Variants in RNF111 observed in about 807,000 individuals in gnomAD.
RNF111 encodes the protein ring finger protein 111.
RNF111 carries 17 observed loss-of-function variants against 95.1 expected under a neutral mutation model. The observed-to-expected ratio is 0.18, with a 90% confidence interval of 0.12 to 0.27. The LOEUF is 0.27. Among genes scored for constraint, RNF111 ranks in the 10% least tolerant of loss-of-function variants. The pLI is 1.00. For synonymous variants in RNF111, 440 were observed against 414.8 expected (o/e 1.06, Z -0.74); for missense variants, 1,189 against 1,210.4 (o/e 0.98, Z 0.26).
intron 9 of RNF111, among the ~76,000 whole-genome samples, chr15:59,085,051 A>G (rs1168111623): frequency 4.6e-5 from 7 of 152,214 alleles, no homozygotes; most frequent in African/African-American, 1.7e-4. Flanking sequence ...AGATAGGTGG[A>G]AGCAGATTTT....
intron 6 of RNF111, among the ~76,000 whole-genome samples, chr15:59,071,915 C>T (rs1277269485): frequency 1.3e-5 from 2 of 151,932 alleles, no homozygotes; most frequent in African/African-American, 4.8e-5. Flanking sequence ...TTTTTGTTTC[C>T]CAGTACATAT....
chr15:59,055,856 G>A lies in RNF111; in HGVS notation c.1171+11G>A. 5 of 1,581,858 alleles carry A rather than the reference G, an allele frequency of 3.2e-6. No homozygotes were observed. The highest frequency in any genetic ancestry group is 1.7e-4 in the Middle Eastern group (1 of 5,834). On this transcript the variant is annotated intron_variant, in intron 4 of 13. Coordinates refer to ENST00000348370, the MANE Select transcript of RNF111 (RefSeq NM_017610.8). Reference sequence around the variant, plus strand: ...CCGTTGATGAAGATGGTAAATTGAAGTAGTAACAGTAGAAAATTATGAAAG... The same window carrying A: ...CCGTTGATGAAGATGGTAAATTGAAATAGTAACAGTAGAAAATTATGAAAG...
At chr15:59,022,099 A>T (rs546323865) in intron 1 of RNF111, among the ~76,000 whole-genome samples, 2 of 152,156 alleles carry the variant, frequency 1.3e-5, no homozygotes, top group Admixed American at 6.5e-5. Flanking sequence ...ACCTAAAGTG[A>T]TCTCCCCGCC....
chr15:59,092,915 G>C (rs1310510360), intron 13 of RNF111, among the ~76,000 whole-genome samples: 1 of 152,184 alleles, frequency 6.6e-6, no homozygotes, highest in East Asian at 1.9e-4. Flanking sequence ...CAGGAGGATG[G>C]CTCAAGCCCA....
intron 2 of RNF111, among the ~76,000 whole-genome samples, chr15:59,049,938 T>G (rs2041905136): frequency 6.6e-6 from 1 of 151,580 alleles, no homozygotes; most frequent in Non-Finnish European, 1.5e-5. Flanking sequence ...GATGGAGTTT[T>G]ACCATGTTGG....
chr15:59,048,749 A>G (rs1347622624), intron 2 of RNF111, among the ~76,000 whole-genome samples: 1 of 152,102 alleles, frequency 6.6e-6, no homozygotes, highest in Non-Finnish European at 1.5e-5. Flanking sequence ...TTTTTTAAAA[A>G]CCATTTTAAC....
intron 2 of RNF111, among the ~76,000 whole-genome samples, chr15:59,043,157 AT>A (rs201949013): frequency 0.074 from 10,765 of 144,828 alleles, 317 homozygotes; most frequent in Middle Eastern, 0.089. Flanking sequence ...CAATTTAGTA[AT>A]TTTTTTTTTT....
At chr15:59,072,956 G>C (rs1209277224) in intron 6 of RNF111, among the ~76,000 whole-genome samples, 1 of 151,764 alleles carries the variant, frequency 6.6e-6, no homozygotes, top group Non-Finnish European at 1.5e-5. Flanking sequence ...GTGGGGCTGA[G>C]GTGGGAGGAG....
intron 6 of RNF111, among the ~76,000 whole-genome samples, chr15:59,068,571 A>C (rs1349534411): frequency 1.3e-5 from 2 of 151,874 alleles, no homozygotes; most frequent in Admixed American, 1.3e-4. Flanking sequence ...GTGCCACTGC[A>C]CTCCAGCCTG....
chr15:59,050,213 C>T (rs1168219611), intron 2 of RNF111: 1 of 152,136 alleles, frequency 6.6e-6, no homozygotes, highest in Non-Finnish European at 1.5e-5. Flanking sequence ...TACAGGCTAG[C>T]ACCACCATGC....
chr15:59,066,902 C>T lies in RNF111; in HGVS notation c.1505C>T (p.Thr502Ile). The stretch of plus-strand genomic sequence containing the variant: ...CACCATGCATTAGGACATCCTCATA[C>T]AAGTTGCTTTCAGCAGCATGGTCAC... ...QNHHALGHPH[T>I]SCFQQHGHHF... Residue 502 changes from threonine (T) to isoleucine (I), a missense_variant, in exon 6 of 14, where the codon ACA (threonine) becomes ATA (isoleucine). Physicochemically the swap from Thr to Ile is moderately conservative, Grantham distance 89 (BLOSUM62 -1). This residue lies in a region of RNF111 where 1,024 missense variants were observed against 925.9 expected (regional missense o/e 1.11). Transcript: ENST00000348370. 6.2e-7 allele frequency: 1 copy of T among 1,614,088 alleles called. No individual in the cohort carries two copies. Among genetic ancestry groups the T allele is most frequent in the Non-Finnish European group, 8.5e-7 (1 of 1,180,014 alleles).
chr15:59,041,963 T>A (rs548021633), intron 2 of RNF111, among the ~76,000 whole-genome samples: 131 of 125,404 alleles, frequency 1.0e-3, no homozygotes, highest in African/African-American at 3.2e-3. Flanking sequence ...CTGTTCATAT[T>A]TTTTTTTTTT....
intron 2 of RNF111, among the ~76,000 whole-genome samples, chr15:59,047,851 A>G (rs1204042650): frequency 6.6e-6 from 1 of 152,270 alleles, no homozygotes; most frequent in Non-Finnish European, 1.5e-5. Context: ...CTGGGATTAT[A>G]GGCGTGAGCC....
At chr15:58,990,594 A>G (rs1207978940) in intron 1 of RNF111, among the ~76,000 whole-genome samples, 2 of 152,202 alleles carry the variant, frequency 1.3e-5, no homozygotes, top group African/African-American at 2.4e-5. Context: ...AGGTTGCAGT[A>G]AGCGGAGATC....
At chr15:59,089,114 C>G (rs1284052133) in intron 10 of RNF111, among the ~76,000 whole-genome samples, 1 of 152,102 alleles carries the variant, frequency 6.6e-6, no homozygotes. Context: ...CCACGAATGA[C>G]TCTGAAAGCA....
intron 1 of RNF111, among the ~76,000 whole-genome samples, chr15:59,004,440 T>A (rs2039452199): frequency 6.6e-6 from 1 of 152,252 alleles, no homozygotes; most frequent in African/African-American, 2.4e-5. Context: ...ATGAAATTTG[T>A]TAGGAAAGGG....
At chr15:58,996,179 A>G (rs2039064311) in intron 1 of RNF111, among the ~76,000 whole-genome samples, 1 of 152,180 alleles carries the variant, frequency 6.6e-6, no homozygotes, top group Non-Finnish European at 1.5e-5. Context: ...TTAACTGTTT[A>G]TTAAAAACCT....
chr15:59,008,320 C>T (rs536546556), intron 1 of RNF111, among the ~76,000 whole-genome samples: 30 of 152,240 alleles, frequency 2.0e-4, no homozygotes, highest in East Asian at 5.8e-4. Flanking sequence ...TGAGCTCAAG[C>T]GATCCTCCTG....
chr15:59,006,880 G>A (rs1392961438), intron 1 of RNF111, among the ~76,000 whole-genome samples: 1 of 152,082 alleles, frequency 6.6e-6, no homozygotes, highest in Admixed American at 6.6e-5. Flanking sequence ...TCCGCCTCCC[G>A]GGTTCAAGCA....
Sources: allele counts gnomAD v4.1 joint callset (sites outside exome capture counted in the v4.1 genomes callset), GRCh38; gene constraint gnomAD v4.1.1; regional missense constraint gnomAD v4.1.1; transcripts MANE v1.5; gene names NCBI Gene and HGNC (gene_info 2026-07-23, HGNC 2026-07-21).